MTO1: variants seen among roughly 807,000 people sequenced by gnomAD.
MTO1 encodes the protein 5-taurinomethyluridine-[tRNA] synthase subunit MTO1, mitochondrial.
Under a neutral mutation model 71.6 loss-of-function variants are expected in MTO1, and 46 were observed. The ratio of observed to expected loss-of-function variants is 0.64; its 90% CI spans 0.51 to 0.82. MTO1 has a LOEUF of 0.82. Ranked by LOEUF, MTO1 falls within the 40% of genes least tolerant of loss-of-function variation. The probability of loss-of-function intolerance (pLI) is 0.00; values close to 1 mark genes in which losing one functional copy is unlikely to be tolerated. For missense variants in MTO1, 773 were observed against 867.5 expected, an observed-to-expected ratio of 0.89 and a Z score of 1.37; for synonymous variants, 297 against 312.1, an observed-to-expected ratio of 0.95 and a Z score of 0.51.
chr6:73,462,914 C>G (rs950725983), intron 1 of MTO1, among the ~76,000 whole-genome samples: 41 of 152,244 alleles, frequency 2.7e-4, no homozygotes, highest in African/African-American at 8.9e-4. Context: ...CTTTTCCTGC[C>G]TCTGCCTAAC....
At chr6:73,480,481 G>C in intron 6 of MTO1, 194 bp from the exon 7 acceptor site, 1 of 628,782 alleles carries the variant, frequency 1.6e-6, no homozygotes, top group Non-Finnish European at 2.8e-6. Context: ...TGTTGGTCAG[G>C]CTGGTCTCAA....
intron 3 of MTO1, among the ~76,000 whole-genome samples, chr6:73,468,474 C>T (rs947428561): frequency 6.6e-6 from 1 of 151,994 alleles, no homozygotes; most frequent in African/African-American, 2.4e-5. Flanking sequence ...TCCCTCTCTC[C>T]TTCTGATATA....
At chr6:73,492,725 A>G in intron 10 of MTO1, 1 of 158,238 alleles carries the variant, frequency 6.3e-6, no homozygotes, top group Non-Finnish European at 1.4e-5. Flanking sequence ...AGGTGGGAGG[A>G]TTGCTTGAGG....
chr6:73,501,400 T>C lies in MTO1; in HGVS notation c.*665T>C, dbSNP rs1257321634. 3.9e-5 allele frequency: 6 copies of C among 152,198 alleles called. No homozygotes were observed. The highest frequency in any genetic ancestry group is 7.3e-5 in the Non-Finnish European group (5 of 68,038). The allele number at this position is 152,198 out of a possible 1,614,324, so 9.4% of individuals were successfully genotyped here. ...GGATACTTATTTGGTGACCTAGTTA[T>C]GGGAGAATTGAGTAACGTTAGTTAT... On this transcript the variant is annotated 3_prime_UTR_variant, in exon 12 of 12. Coordinates refer to ENST00000498286, the MANE Select transcript of MTO1 (RefSeq NM_012123.4).
intron 9 of MTO1, among the ~76,000 whole-genome samples, chr6:73,490,789 GA>G (rs1771781876): frequency 6.6e-6 from 1 of 151,690 alleles, no homozygotes; most frequent in Non-Finnish European, 1.5e-5. Flanking sequence ...ATATGTAAAT[GA>G]AGTAAGTAAT....
At chr6:73,488,028 G>T (rs1176087999) in intron 9 of MTO1, among the ~76,000 whole-genome samples, 2 of 152,130 alleles carry the variant, frequency 1.3e-5, no homozygotes, top group South Asian at 2.1e-4. Context: ...CATCCTAGTG[G>T]ATGTGAGGTG....
At chr6:73,498,023 G>C in intron 11 of MTO1, 127 bp downstream of exon 11, 1 of 832,478 alleles carries the variant, frequency 1.2e-6, no homozygotes, top group Non-Finnish European at 1.8e-6. Context: ...CTTCCAGCAT[G>C]GGCAACACAG....
Position 73,503,794 on chromosome 6 carries a change from C to T in MTO1, c.*3059C>T, listed in dbSNP as rs1030336324. 6.6e-6 allele frequency: 1 copy of T among 152,220 alleles called. No homozygotes were observed. The highest frequency in any genetic ancestry group is 6.5e-5 in the Admixed American group (1 of 15,278). The allele number at this position is 152,220 out of a possible 1,614,324, so 9.4% of individuals were successfully genotyped here. A position where few individuals can be genotyped will look rare whatever the true frequency, so the allele number is the denominator to read the frequency against. ...GGGGAGGAAGGATGAAGATACGAAC[C>T]TATGCTAAATTAAACGATTATGGCC... On this transcript the variant is annotated 3_prime_UTR_variant, in exon 12 of 12. Coordinates refer to ENST00000498286, the MANE Select transcript of MTO1 (RefSeq NM_012123.4).
rs1360096084 is a variant in MTO1, at chr6:73,480,495, C to T, written c.1130-180C>T. On this transcript the variant is annotated intron_variant, in intron 6 of 11. Transcript: ENST00000498286. ...CTGTTGGTCAGGCTGGTCTCAAACT[C>T]CCGACCTCAGGTGATCCACCCGCCT... 4.4e-6 allele frequency: 3 copies of T among 682,310 alleles called. No homozygotes were observed. The South Asian group carries it at 5.2e-5, about 12-fold the overall frequency. 42.3% of individuals were successfully genotyped at this position (682,310 alleles called of 1,614,324 possible). A position where few individuals can be genotyped will look rare whatever the true frequency, so the allele number is the denominator to read the frequency against.
At chr6:73,500,537 T>C in intron 11 of MTO1, 37 bp from the exon 12 acceptor site, 1 of 1,592,568 alleles carries the variant, frequency 6.3e-7, no homozygotes, top group Non-Finnish European at 8.6e-7. Context: ...TGACATAGCA[T>C]AGCTCACTTA....
In MTO1 at chr6:73,500,777, T is replaced by A. The variant is rs2150046387; in HGVS notation, c.*42T>A. On this transcript the variant is annotated 3_prime_UTR_variant, in exon 12 of 12. Coordinates refer to ENST00000498286, the MANE Select transcript of MTO1 (RefSeq NM_012123.4). ...GATTTTTAAAGAGCATATAAATAATTTGATCAATACAACAGTATAGATAAA... is the reference window on the plus strand; with the variant it reads ...GATTTTTAAAGAGCATATAAATAATATGATCAATACAACAGTATAGATAAA... 6.8e-7 allele frequency: 1 copy of A among 1,476,332 alleles called. No individual in the cohort carries two copies. The highest frequency in any genetic ancestry group is 1.4e-5 in the African/African-American group (1 of 70,856). 91.5% of individuals were successfully genotyped at this position (1,476,332 alleles called of 1,614,324 possible). A position where few individuals can be genotyped will look rare whatever the true frequency, so the allele number is the denominator to read the frequency against.
rs879931083 is a variant in MTO1, at chr6:73,508,422, TAAA to T, written c.*7694_*7696del. 6.6e-6 allele frequency: 1 copy of T among 150,848 alleles called. No individual in the cohort carries two copies. The highest frequency in any genetic ancestry group is 1.5e-5 in the Non-Finnish European group (1 of 67,654). 9.3% of individuals were successfully genotyped at this position (150,848 alleles called of 1,614,324 possible). A position where few individuals can be genotyped will look rare whatever the true frequency, so the allele number is the denominator to read the frequency against. On this transcript the variant is annotated 3_prime_UTR_variant, in exon 12 of 12. Transcript: ENST00000498286. ...ATTTATAACAGTAAATTAAGATACA[TAAA>T]AAAAAACACTGGCTAAATTTAAAAG...
intron 10 of MTO1, among the ~76,000 whole-genome samples, chr6:73,493,978 A>G (rs1771911428): frequency 6.6e-6 from 1 of 151,938 alleles, no homozygotes; most frequent in South Asian, 2.1e-4. Flanking sequence ...CACGCCTGTA[A>G]TCCCAGCACT....
chr6:73,465,065 G>A (rs1770944866), intron 1 of MTO1, among the ~76,000 whole-genome samples: 1 of 152,072 alleles, frequency 6.6e-6, no homozygotes, highest in South Asian at 2.1e-4. Context: ...ATTTAATTCT[G>A]CAAAGTAAGT....
intron 9 of MTO1, among the ~76,000 whole-genome samples, chr6:73,484,791 C>T (rs2150038727): frequency 6.6e-6 from 1 of 152,254 alleles, no homozygotes; most frequent in Non-Finnish European, 1.5e-5. Context: ...CACAGTGGCT[C>T]ATGCCTGTAA....
chr6:73,471,074 A>G (rs557402647), intron 3 of MTO1, among the ~76,000 whole-genome samples: 2 of 151,904 alleles, frequency 1.3e-5, no homozygotes, highest in Admixed American at 6.6e-5. Flanking sequence ...GCATATGTAC[A>G]TGTCTTCATG....
At chr6:73,488,479 T>C in intron 9 of MTO1, among the ~76,000 whole-genome samples, 1 of 152,198 alleles carries the variant, frequency 6.6e-6, no homozygotes, top group Non-Finnish European at 1.5e-5. Flanking sequence ...GCCAGATTTT[T>C]TTATTGTTGA....
At chr6:73,492,496 C>A in intron 10 of MTO1, 144 bp downstream of exon 10, 1 of 579,510 alleles carries the variant, frequency 1.7e-6, no homozygotes, top group South Asian at 1.9e-5. Flanking sequence ...AGCATTGCAA[C>A]ACCTACAAGC....
chr6:73,496,788 C>T (rs1771990276), intron 10 of MTO1, among the ~76,000 whole-genome samples: 1 of 151,998 alleles, frequency 6.6e-6, no homozygotes, highest in African/African-American at 2.4e-5. Context: ...GGCATGGTGG[C>T]TCATGCCTAT....
Sources: allele counts gnomAD v4.1 joint callset (sites outside exome capture counted in the v4.1 genomes callset), GRCh38; gene constraint gnomAD v4.1.1; transcripts MANE v1.5; gene names NCBI Gene and HGNC (gene_info 2026-07-23, HGNC 2026-07-21).